CSMD1: variants seen among roughly 807,000 people sequenced by gnomAD.
CSMD1 encodes the protein CUB and Sushi multiple domains 1, also known as CUB and sushi domain-containing protein 1.
In CSMD1, 213 loss-of-function variants were observed where a neutral mutation model predicts 417.5. That is an observed-to-expected ratio of 0.51 (90% CI 0.46 to 0.57). CSMD1 has a LOEUF of 0.57. CSMD1 is among the 20% of genes least tolerant of loss of function. The pLI is 0.00. For missense variants in CSMD1, 6,923 were observed against 4,529.7 expected (o/e 1.53, Z -15.17); for synonymous variants, 2,862 against 1,736.8 (o/e 1.65, Z -16.11).
At chr8:4,550,925 G>A (rs746747501) in intron 2 of CSMD1, among the ~76,000 whole-genome samples, 2 of 152,238 alleles carry the variant, frequency 1.3e-5, no homozygotes, top group South Asian at 4.2e-4. Context: ...GCTCAAGTTA[G>A]TTTCCTGAGT....
chr8:3,954,785 C>G (rs889695062), intron 5 of CSMD1, among the ~76,000 whole-genome samples: 2 of 151,652 alleles, frequency 1.3e-5, no homozygotes, highest in Non-Finnish European at 3.0e-5. Context: ...CAGGGAGTTA[C>G]ATGCACGCAG....
At position 4,296,506 on chromosome 8, in the gene CSMD1, G is replaced by C. The variant is rs575375784; in HGVS notation, c.415+123447C>G. On this transcript the variant is annotated intron_variant, in intron 3 of 69. Transcript: ENST00000635120. ...AATAATTAATATCTTTTCCCAAAGA[G>C]AGGGTTTATCTATTTCTGATGTTAA... Among the ~76,000 whole-genome samples the C allele has an allele frequency of 2.5e-3, 380 of 152,182 alleles. 2 individuals are homozygous for C. Among genetic ancestry groups the C allele is most frequent in the African/African-American group, 8.5e-3 (355 of 41,538 alleles).
intron 1 of CSMD1, among the ~76,000 whole-genome samples, chr8:4,959,871 G>T (rs1352353563): frequency 1.3e-5 from 2 of 152,162 alleles, no homozygotes; most frequent in Non-Finnish European, 2.9e-5. Context: ...GTGTCTCAAT[G>T]AGGTGAACTC....
At chr8:3,483,555 CAATT>C (rs1817860020) in intron 11 of CSMD1, among the ~76,000 whole-genome samples, 1 of 151,868 alleles carries the variant, frequency 6.6e-6, no homozygotes, top group South Asian at 2.1e-4. Flanking sequence ...TTATAAGTAA[CAATT>C]AACGTCAAGA....
chr8:3,793,394 T>A (rs2129068530), intron 5 of CSMD1, among the ~76,000 whole-genome samples: 1 of 152,248 alleles, frequency 6.6e-6, no homozygotes, highest in African/African-American at 2.4e-5. Flanking sequence ...CAACCCATAT[T>A]TTTCCTTGCC....
intron 5 of CSMD1, among the ~76,000 whole-genome samples, chr8:3,995,179 G>C (rs779186697): frequency 8.5e-4 from 130 of 152,186 alleles, no homozygotes; most frequent in Middle Eastern, 3.4e-3. Context: ...GCCTTAAAAG[G>C]GTACTTCAAA....
intron 1 of CSMD1, among the ~76,000 whole-genome samples, chr8:4,696,691 A>C (rs1407340320): frequency 1.3e-5 from 2 of 152,194 alleles, no homozygotes; most frequent in Non-Finnish European, 2.9e-5. Flanking sequence ...AGAAGGTATG[A>C]CCCATGAAGG....
chr8:3,514,289 G>A (rs982633789), intron 10 of CSMD1, among the ~76,000 whole-genome samples: 7 of 152,150 alleles, frequency 4.6e-5, no homozygotes, highest in African/African-American at 9.6e-5. Context: ...ACATAGAGAC[G>A]TCCTCAGTGC....
chr8:3,466,079 A>C (rs754295280), intron 12 of CSMD1, among the ~76,000 whole-genome samples: 1 of 152,198 alleles, frequency 6.6e-6, no homozygotes, highest in Non-Finnish European at 1.5e-5. Flanking sequence ...CTCAAAATTA[A>C]AATGAAAATG....
At chr8:4,261,617 G>T (rs892521382) in intron 3 of CSMD1, among the ~76,000 whole-genome samples, 1 of 151,584 alleles carries the variant, frequency 6.6e-6, no homozygotes, top group Admixed American at 6.6e-5. Context: ...GCTATGTTGC[G>T]CAGGCTAGTG....
chr8:4,660,534 T>C lies in CSMD1; in HGVS notation c.86-22976A>G, dbSNP rs148327521. 6.3e-3 allele frequency among the ~76,000 whole-genome samples: 964 copies of C among 152,122 alleles called. 6 individuals carry two copies. Among genetic ancestry groups the C allele is most frequent in the Middle Eastern group, 0.01 (3 of 294 alleles). On this transcript the variant is annotated intron_variant, in intron 1 of 69. Transcript: ENST00000635120. ...ATAGAGAAGATTATTCTAAAATGTA[T>C]AGGGCAAGACAAAGGAACTGGAATA...
chr8:4,168,821 T>A (rs1797604149), intron 3 of CSMD1, among the ~76,000 whole-genome samples: 2 of 152,176 alleles, frequency 1.3e-5, no homozygotes, highest in South Asian at 4.1e-4. Flanking sequence ...ACTAACTTCA[T>A]TCCGGCTCTC....
chr8:4,040,572 G>A (rs1026087837), intron 3 of CSMD1, among the ~76,000 whole-genome samples: 2 of 152,190 alleles, frequency 1.3e-5, no homozygotes, highest in South Asian at 4.1e-4. Context: ...TGTTCACAAT[G>A]GAGGTTAGTT....
chr8:3,988,985 G>C (rs983641151), intron 5 of CSMD1, among the ~76,000 whole-genome samples: 17 of 152,158 alleles, frequency 1.1e-4, no homozygotes, highest in Admixed American at 9.2e-4. Context: ...TAGACTTTTA[G>C]AACTAGATAC....
At chr8:3,747,907 C>G (rs1797138772) in intron 6 of CSMD1, among the ~76,000 whole-genome samples, 1 of 152,028 alleles carries the variant, frequency 6.6e-6, no homozygotes, top group South Asian at 2.1e-4. Context: ...GTGGCGAGCT[C>G]CCTCCCACTT....
chr8:4,616,079 G>A (rs1441987770), intron 2 of CSMD1, among the ~76,000 whole-genome samples: 4 of 152,136 alleles, frequency 2.6e-5, no homozygotes, highest in African/African-American at 4.8e-5. Context: ...TTATTTCATA[G>A]TGCAACTTGC....
At chr8:3,337,171 C>G (rs1391689286) in intron 23 of CSMD1, among the ~76,000 whole-genome samples, 1 of 152,134 alleles carries the variant, frequency 6.6e-6, no homozygotes, top group South Asian at 2.1e-4. Context: ...TGCCACAAAC[C>G]AACGCAACGA....
intron 3 of CSMD1, among the ~76,000 whole-genome samples, chr8:4,082,260 A>T (rs950393337): frequency 1.4e-4 from 21 of 152,196 alleles, no homozygotes; most frequent in Non-Finnish European, 3.1e-4. Context: ...ATTACAACCT[A>T]TTAAAACTAA....
intron 3 of CSMD1, among the ~76,000 whole-genome samples, chr8:4,051,064 T>A (rs928512064): frequency 5.3e-5 from 8 of 151,992 alleles, no homozygotes; most frequent in African/African-American, 1.9e-4. Flanking sequence ...CTGGCTTTGT[T>A]TTGAAGCGCA....
Sources: gnomAD v4.1 joint callset for allele counts (sites outside exome capture counted in the v4.1 genomes callset) on GRCh38, gnomAD v4.1.1 for gene constraint, MANE v1.5 for transcripts, NCBI Gene and HGNC (gene_info 2026-07-23, HGNC 2026-07-21) for gene names.